HIVEP3: variants seen among roughly 807,000 people sequenced by gnomAD.
HIVEP3 encodes transcription factor HIVEP3.
Under a neutral mutation model 152.8 loss-of-function variants are expected in HIVEP3, and 49 were observed. That is an observed-to-expected ratio of 0.32 (90% CI 0.26 to 0.41). HIVEP3 has a LOEUF of 0.41. HIVEP3 is among the 10% of genes least tolerant of loss of function. The pLI, the probability that HIVEP3 is intolerant of heterozygous loss-of-function variation, is 1.00. For missense variants in HIVEP3, 2,790 were observed against 3,103.3 expected (o/e 0.90, Z 2.40); for synonymous variants, 1,269 against 1,289.0 (o/e 0.98, Z 0.33).
At chr1:41,920,967 G>A (rs560115387), upstream of HIVEP3, among the ~76,000 whole-genome samples, 21 of 152,234 alleles carry the variant, frequency 1.4e-4, no homozygotes, top group Middle Eastern at 3.4e-3. Context: ...GTCCTTTTCA[G>A]TAAAAGTTTT....
intron 1 of HIVEP3, among the ~76,000 whole-genome samples, chr1:41,874,619 G>A (rs965496836): frequency 2.0e-5 from 3 of 152,126 alleles, no homozygotes; most frequent in Non-Finnish European, 4.4e-5. Context: ...TCTGAGCAGC[G>A]GGTGAGGAGG....
intron 5 of HIVEP3, among the ~76,000 whole-genome samples, chr1:41,568,179 A>G (rs1195266802): frequency 6.6e-6 from 1 of 152,236 alleles, no homozygotes; most frequent in Non-Finnish European, 1.5e-5. Flanking sequence ...GAAGCACACT[A>G]GTAAATACCT....
intron 1 of HIVEP3, among the ~76,000 whole-genome samples, chr1:41,719,861 T>C (rs1439600251): frequency 6.6e-6 from 1 of 152,224 alleles, no homozygotes; most frequent in Non-Finnish European, 1.5e-5. Flanking sequence ...CTGAGTCCTA[T>C]ATCTGGTAAA....
At chr1:41,821,868 G>T (rs1642612766) in intron 1 of HIVEP3, among the ~76,000 whole-genome samples, 1 of 152,214 alleles carries the variant, frequency 6.6e-6, no homozygotes. Flanking sequence ...TGTTGATCAT[G>T]CTGCAACAGG....
At chr1:41,708,657 T>G (rs1210245495) in intron 1 of HIVEP3, among the ~76,000 whole-genome samples, 2 of 152,250 alleles carry the variant, frequency 1.3e-5, no homozygotes, top group African/African-American at 4.8e-5. Flanking sequence ...TTCTGATATA[T>G]TCCCTCTTTG....
At chr1:41,916,538 C>T (rs1029387166) in intron 1 of HIVEP3, among the ~76,000 whole-genome samples, 2 of 152,170 alleles carry the variant, frequency 1.3e-5, no homozygotes, top group Non-Finnish European at 2.9e-5. Context: ...CCACCCTCTC[C>T]TCCTGCCTGC....
In HIVEP3 at chr1:41,635,570, G is replaced by A. The variant is rs113179544; in HGVS notation, c.-720-6623C>T. Among the ~76,000 whole-genome samples, 7 of 35,730 alleles carry A rather than the reference G, an allele frequency of 2.0e-4. 1 individual carries two copies. The highest frequency in any genetic ancestry group is 1.6e-3 in the African/African-American group (6 of 3,804). The allele number at this position is 35,730 out of a possible 152,430, so 23.4% of individuals were successfully genotyped here. The stretch of plus-strand genomic sequence containing the variant: ...TGTATATATACATACATATACATAC[G>A]TATGTATATATACATACATATACAT... On this transcript the variant is annotated intron_variant, in intron 2 of 8. Coordinates refer to ENST00000372583, the MANE Select transcript of HIVEP3 (RefSeq NM_024503.5).
Position 41,584,294 on chromosome 1 carries a change from A to C in HIVEP3, c.504T>G (p.Pro168=). The C allele has an allele frequency of 6.2e-7, 1 of 1,613,748 alleles. No individual in the cohort carries two copies. The highest frequency in any genetic ancestry group is 8.5e-7 in the Non-Finnish European group (1 of 1,179,806). ...CTGTGGGCTTCAAGGAGACCTGGGAAGGACGAGGCACGAAGACTTTGGGGA... is the reference window on the plus strand; with the variant it reads ...CTGTGGGCTTCAAGGAGACCTGGGACGGACGAGGCACGAAGACTTTGGGGA... ...PGVPKVFVPR[P]SQVSLKPTEE... The change falls in exon 4 of 9, where the codon CCT becomes CCG. Residue 168 remains proline (P), a synonymous_variant. Transcript: ENST00000372583. The surrounding 1 kb of genome is among the most constrained non-coding windows in gnomAD (Gnocchi z 5.2).
intron 1 of HIVEP3, among the ~76,000 whole-genome samples, chr1:41,731,413 C>T (rs1646837910): frequency 6.6e-6 from 1 of 152,150 alleles, no homozygotes; most frequent in Non-Finnish European, 1.5e-5. Context: ...AAAAACAACC[C>T]ATGCACAGCA....
chr1:41,682,748 A>G (rs535808750), intron 2 of HIVEP3, among the ~76,000 whole-genome samples: 5 of 152,126 alleles, frequency 3.3e-5, no homozygotes, highest in African/African-American at 1.2e-4. Context: ...CCTCAGTAAG[A>G]GCCTGCGGAA....
chr1:41,729,732 C>A (rs1646811356), intron 1 of HIVEP3, among the ~76,000 whole-genome samples: 1 of 152,200 alleles, frequency 6.6e-6, no homozygotes, highest in South Asian at 2.1e-4. Flanking sequence ...GTCCTTTCAG[C>A]CATGTGTCCT....
intron 2 of HIVEP3, among the ~76,000 whole-genome samples, chr1:41,642,461 C>A (rs1057437477): frequency 6.6e-6 from 1 of 152,202 alleles, no homozygotes; most frequent in Non-Finnish European, 1.5e-5. Flanking sequence ...ACCTCATAGG[C>A]CTCCTCCTCC....
chr1:41,594,713 AT>A (rs1415680380), intron 3 of HIVEP3, among the ~76,000 whole-genome samples: 5 of 151,600 alleles, frequency 3.3e-5, no homozygotes, highest in African/African-American at 7.3e-5. Flanking sequence ...GCTGTACAGA[AT>A]TTTTTTTTGT....
At chr1:41,623,990 C>T (rs748160354) in intron 3 of HIVEP3, among the ~76,000 whole-genome samples, 23 of 152,002 alleles carry the variant, frequency 1.5e-4, no homozygotes, top group Non-Finnish European at 2.4e-4. Flanking sequence ...TTCAAAGGCG[C>T]GGGCCAGAGG....
chr1:41,644,693 CTT>C (rs60511656), intron 2 of HIVEP3, among the ~76,000 whole-genome samples: 46 of 74,726 alleles, frequency 6.2e-4, no homozygotes, highest in Middle Eastern at 0.017. Context: ...CATATCTGTT[CTT>C]TTTTTTTTTT....
intron 1 of HIVEP3, among the ~76,000 whole-genome samples, chr1:41,734,360 T>C (rs776224830): frequency 6.6e-6 from 1 of 152,238 alleles, no homozygotes; most frequent in Non-Finnish European, 1.5e-5. Context: ...GGCACGCACA[T>C]GGCCCAGCGT....
chr1:41,712,937 G>T (rs149964980), intron 1 of HIVEP3, among the ~76,000 whole-genome samples: 1 of 152,176 alleles, frequency 6.6e-6, no homozygotes, highest in Admixed American at 6.5e-5. Flanking sequence ...CTGACACAGC[G>T]GGGCAGGCTT....
intron 1 of HIVEP3, among the ~76,000 whole-genome samples, chr1:41,936,171 C>T (rs1645019255): frequency 1.3e-5 from 2 of 152,170 alleles, no homozygotes; most frequent in Admixed American, 1.3e-4. Flanking sequence ...GGAGGGTCAC[C>T]TGCCAGAATC....
chr1:41,650,016 G>A (rs1046001817), intron 2 of HIVEP3, among the ~76,000 whole-genome samples: 7 of 151,996 alleles, frequency 4.6e-5, no homozygotes, highest in African/African-American at 1.4e-4. Context: ...GAACGGAAAC[G>A]GAAAAGAAAC....
Sources: gnomAD v4.1 joint callset for allele counts (sites outside exome capture counted in the v4.1 genomes callset) on GRCh38, gnomAD v4.1.1 for gene constraint, Gnocchi (gnomAD v3.1) non-coding constraint, MANE v1.5 for transcripts, NCBI Gene and HGNC (gene_info 2026-07-23, HGNC 2026-07-21) for gene names.